Variants in OTUD7A observed in about 807,000 individuals in gnomAD.
The protein encoded by OTUD7A is OTU domain-containing protein 7A.
Under a neutral mutation model 65.7 loss-of-function variants are expected in OTUD7A, and 12 were observed. The ratio of observed to expected loss-of-function variants is 0.18; its 90% CI spans 0.12 to 0.30. The LOEUF is 0.30. Among genes scored for constraint, OTUD7A ranks in the 10% least tolerant of loss-of-function variants. The probability of loss-of-function intolerance (pLI) is 1.00; values close to 1 mark genes in which losing one functional copy is unlikely to be tolerated. For synonymous variants in OTUD7A, 641 were observed against 586.3 expected, an observed-to-expected ratio of 1.09 and a Z score of -1.35; for missense variants, 1,148 against 1,304.8, an observed-to-expected ratio of 0.88 and a Z score of 1.85.
intron 3 of OTUD7A, among the ~76,000 whole-genome samples, chr15:31,651,125 C>T (rs946228314): frequency 2.2e-5 from 3 of 135,210 alleles, no homozygotes; most frequent in South Asian, 2.3e-4. Context: ...CATCTGAGTC[C>T]CAGAAGGAAA....
chr15:31,709,677 T>TA lies in OTUD7A; in HGVS notation c.-99-52601dup, dbSNP rs1893389796. ...ACAGAGCACAGGAGGACACATCAGT[T>TA]AGAGGAAAATAAAGCTCCATTTGCT... On this transcript the variant is annotated intron_variant, in intron 1 of 12. Transcript: ENST00000307050. Among the ~76,000 whole-genome samples, 3 of 151,044 alleles carry TA rather than the reference T, an allele frequency of 2.0e-5. No homozygotes were observed. The South Asian group carries it at 6.3e-4, about 32-fold the overall frequency.
chr15:31,739,013 T>C (rs1031035467), intron 1 of OTUD7A, among the ~76,000 whole-genome samples: 7 of 147,790 alleles, frequency 4.7e-5, no homozygotes, highest in Admixed American at 3.5e-4. Context: ...GTCCACTCGC[T>C]GGGGGCTTCA....
At chr15:31,585,380 G>A (rs1165272337) in intron 3 of OTUD7A, among the ~76,000 whole-genome samples, 1 of 152,238 alleles carries the variant, frequency 6.6e-6, no homozygotes, top group Non-Finnish European at 1.5e-5. Flanking sequence ...TTAGCTGCGA[G>A]CAGAAACAGA....
At chr15:31,828,970 G>A (rs972853187) in intron 1 of OTUD7A, among the ~76,000 whole-genome samples, 2 of 152,174 alleles carry the variant, frequency 1.3e-5, no homozygotes, top group African/African-American at 2.4e-5. Context: ...TATCCAAGCA[G>A]AGAAAAGTGC....
chr15:31,807,927 G>T (rs1896313054), intron 1 of OTUD7A, among the ~76,000 whole-genome samples: 2 of 151,990 alleles, frequency 1.3e-5, no homozygotes. Flanking sequence ...GCTGTTTCTT[G>T]TATTTAATAA....
At chr15:31,725,244 G>A (rs912283693) in intron 1 of OTUD7A, among the ~76,000 whole-genome samples, 3 of 152,198 alleles carry the variant, frequency 2.0e-5, no homozygotes, top group African/African-American at 7.2e-5. Context: ...GAACGACCAA[G>A]GGTGATGGGA....
In OTUD7A at chr15:31,484,412, C is replaced by T; in HGVS notation, c.1684G>A (p.Asp562Asn). ...RANSANGKNG[D>N]SAERGKEKKA... Reference sequence around the variant, plus strand: ...TTCTCCTTGCCCCGCTCGGCCGAGTCCCCGTTCTTGCCATTGGCGGAGTTG... The same window carrying T: ...TTCTCCTTGCCCCGCTCGGCCGAGTTCCCGTTCTTGCCATTGGCGGAGTTG... Residue 562 changes from aspartate (D) to asparagine (N), a missense_variant, in exon 13 of 13, where the codon GAC (aspartate) becomes AAC (asparagine). Physicochemically the swap from Asp to Asn is conservative, Grantham distance 23 (BLOSUM62 1). This residue lies in a region of OTUD7A where 842 missense variants were observed against 769.5 expected (regional missense o/e 1.09). Transcript: ENST00000307050. This position sits in a 1 kb window ranked among gnomAD's most constrained non-coding sequence, Gnocchi z 4.5. 6.2e-7 allele frequency: 1 copy of T among 1,602,092 alleles called. No homozygotes were observed. The highest frequency in any genetic ancestry group is 1.1e-5 in the South Asian group (1 of 91,070).
Position 31,483,660 on chromosome 15 carries a change from C to A in OTUD7A, c.2436G>T (p.Ser812=), listed in dbSNP as rs1229050044. 5 of 1,168,388 alleles carry A rather than the reference C, an allele frequency of 4.3e-6. No individual in the cohort carries two copies. In the South Asian group the frequency reaches 2.0e-4, roughly 47 times the overall value. 72.4% of individuals were successfully genotyped at this position (1,168,388 alleles called of 1,614,324 possible). The change falls in exon 13 of 13, where the codon TCG becomes TCT. Residue 812 remains serine (S), a synonymous_variant. Transcript: ENST00000307050. ...CGCGCGCCGGGCTGTAGCTCTGCGA[C>A]GACAGCGAGCGGTTCTGCTGCGGGT... ...ATYPQQNRSL[S]SQSYSPARAA... is the part of the protein sequence containing the mutation.
At position 31,507,635 on chromosome 15, in the gene OTUD7A, GGGGGGC is replaced by G. The variant is rs956756098; in HGVS notation, c.894-3823_894-3818del. Among the ~76,000 whole-genome samples the G allele has an allele frequency of 3.0e-4, 19 of 64,116 alleles. No homozygotes were observed. The East Asian group carries it at 4.7e-3, about 16-fold the overall frequency. The allele number at this position is 64,116 out of a possible 152,430, so 42.1% of individuals were successfully genotyped here. On this transcript the variant is annotated intron_variant, in intron 8 of 12. Coordinates refer to ENST00000307050, the MANE Select transcript of OTUD7A (RefSeq NM_001382637.1). ...GAGCAGGTTGCTGCCGCTGCTGGCT[GGGGGGC>G]GGGGGTGGCAAGCTTTTATTCCCTT...
At chr15:31,819,557 A>T (rs918306705) in intron 1 of OTUD7A, among the ~76,000 whole-genome samples, 2 of 152,274 alleles carry the variant, frequency 1.3e-5, no homozygotes, top group Non-Finnish European at 2.9e-5. Context: ...AGATACCAGT[A>T]TTGGTTGTTT....
At chr15:31,612,192 T>C (rs1361077357) in intron 3 of OTUD7A, among the ~76,000 whole-genome samples, 1 of 152,128 alleles carries the variant, frequency 6.6e-6, no homozygotes, top group Admixed American at 6.5e-5. Flanking sequence ...GCCAACATAA[T>C]ACTGAATGGG....
At chr15:31,507,149 TGAA>T (rs2041587495) in intron 8 of OTUD7A, among the ~76,000 whole-genome samples, 1 of 152,228 alleles carries the variant, frequency 6.6e-6, no homozygotes, top group African/African-American at 2.4e-5. Flanking sequence ...CTTAGGCTAC[TGAA>T]GAAGGGGAAG....
chr15:31,545,526 C>T (rs1888103695), intron 5 of OTUD7A, among the ~76,000 whole-genome samples: 1 of 151,858 alleles, frequency 6.6e-6, no homozygotes, highest in African/African-American at 2.4e-5. Context: ...ACAAAGGTCC[C>T]ATATCTAGAA....
intron 1 of OTUD7A, among the ~76,000 whole-genome samples, chr15:31,792,344 C>T (rs1374193340): frequency 1.3e-5 from 2 of 152,134 alleles, no homozygotes; most frequent in African/African-American, 4.8e-5. Flanking sequence ...TTTAAAACCT[C>T]CCAATGACTT....
In OTUD7A at chr15:31,530,818, A is replaced by C; in HGVS notation, c.551-10T>G. 2.5e-6 allele frequency: 4 copies of C among 1,612,930 alleles called. No homozygotes were observed. Among genetic ancestry groups the C allele is most frequent in the South Asian group, 1.1e-5 (1 of 90,906 alleles). On this transcript the variant is annotated splice_polypyrimidine_tract_variant and intron_variant, in intron 5 of 12. Coordinates refer to ENST00000307050, the MANE Select transcript of OTUD7A (RefSeq NM_001382637.1). ...CACCAGTTCAGGCGACCTGGAAAAG[A>C]AGCTCACTTTAGAACAGGATCCCAG...
chr15:31,781,887 G>A lies in OTUD7A; in HGVS notation c.-100+88620C>T, dbSNP rs369054125. ...ATTTCCATCAGAAAGATTCTTAAAC[G>A]TGGAATCGTGGGAGACTGAGTATTA... On this transcript the variant is annotated intron_variant, in intron 1 of 12. Transcript: ENST00000307050. Among the ~76,000 whole-genome samples, 14 of 152,292 alleles carry A rather than the reference G, an allele frequency of 9.2e-5. No individual in the cohort carries two copies. In the East Asian group the frequency reaches 1.5e-3, roughly 17 times the overall value.
At chr15:31,801,030 T>C (rs1244083923) in intron 1 of OTUD7A, among the ~76,000 whole-genome samples, 1 of 141,456 alleles carries the variant, frequency 7.1e-6, no homozygotes, top group Non-Finnish European at 1.5e-5. Context: ...CGCAGCTTAA[T>C]GTAGAGCATT....
intron 5 of OTUD7A, among the ~76,000 whole-genome samples, chr15:31,554,287 T>A (rs1888420455): frequency 2.6e-5 from 4 of 152,220 alleles, no homozygotes; most frequent in African/African-American, 9.7e-5. Context: ...AGGGGTTTCA[T>A]CTGCCTGGAG....
chr15:31,530,869 T>C (rs1253213400), intron 5 of OTUD7A, 61 bp from the exon 6 acceptor site: 1 of 1,425,420 alleles, frequency 7.0e-7, no homozygotes, highest in African/African-American at 1.4e-5. Context: ...CTGGGGGTGT[T>C]TGCTAAGGAG....
Sources: gnomAD v4.1 joint callset for allele counts (sites outside exome capture counted in the v4.1 genomes callset) on GRCh38, gnomAD v4.1.1 for gene constraint, gnomAD v4.1.1 regional missense constraint, Gnocchi (gnomAD v3.1) non-coding constraint, MANE v1.5 for transcripts, NCBI Gene and HGNC (gene_info 2026-07-23, HGNC 2026-07-21) for gene names.